EML4: variants seen among roughly 807,000 people sequenced by gnomAD.
The protein encoded by EML4 is echinoderm microtubule-associated protein-like 4.
In EML4, 72 loss-of-function variants were observed where a neutral mutation model predicts 129.0. The observed-to-expected ratio is 0.56, with a 90% CI of 0.46 to 0.68. The LOEUF (loss-of-function observed/expected upper bound fraction) is 0.68, where lower values mean the gene tolerates loss of function less well. EML4 is among the 30% of genes least tolerant of loss of function. The probability of loss-of-function intolerance (pLI) is 0.00; values close to 1 mark genes in which losing one functional copy is unlikely to be tolerated. For missense variants in EML4, 1,363 were observed against 1,190.6 expected (o/e 1.14, Z -2.13); for synonymous variants, 532 against 405.0 (o/e 1.31, Z -3.77).
rs199863922 is a variant in EML4 at position 42,246,456 on chromosome 2, A to G, written c.208+769A>G. On this transcript the variant is annotated intron_variant, in intron 2 of 22. Coordinates refer to ENST00000318522, the MANE Select transcript of EML4 (RefSeq NM_019063.5). ...GGCTTGCCTTCCTACTTCGATGTCA[A>G]TGTAAATTATTAACCTAGGGAGGAG... Among the ~76,000 whole-genome samples, 6 of 152,226 alleles carry G rather than the reference A, an allele frequency of 3.9e-5. No individual in the cohort carries two copies. The East Asian group carries it at 1.2e-3, about 29-fold the overall frequency.
At chr2:42,209,335 T>C (rs1447547311) in intron 1 of EML4, among the ~76,000 whole-genome samples, 1 of 152,222 alleles carries the variant, frequency 6.6e-6, no homozygotes, top group African/African-American at 2.4e-5. Context: ...ATATGTTGTA[T>C]TTCTTTTTAT....
chr2:42,187,838 T>C (rs1671350090), intron 1 of EML4, among the ~76,000 whole-genome samples: 1 of 152,200 alleles, frequency 6.6e-6, no homozygotes, highest in Admixed American at 6.5e-5. Flanking sequence ...TTTGATGAAA[T>C]CCATTTATCA....
intron 1 of EML4, among the ~76,000 whole-genome samples, chr2:42,175,688 G>A (rs1670560076): frequency 6.6e-6 from 1 of 151,898 alleles, no homozygotes; most frequent in Non-Finnish European, 1.5e-5. Flanking sequence ...TAATAGAGAA[G>A]AGGTTTTGCC....
At chr2:42,195,771 A>C (rs187853157) in intron 1 of EML4, among the ~76,000 whole-genome samples, 1 of 152,240 alleles carries the variant, frequency 6.6e-6, no homozygotes, top group African/African-American at 2.4e-5. Context: ...CTTTATTGCA[A>C]CACTACATAT....
At chr2:42,202,697 G>A (rs563908018) in intron 1 of EML4, among the ~76,000 whole-genome samples, 18 of 152,302 alleles carry the variant, frequency 1.2e-4, no homozygotes, top group Admixed American at 3.9e-4. Flanking sequence ...TATTCTGGCT[G>A]TGCTGGCAGC....
At chr2:42,283,442 G>A (rs1667125434) in intron 8 of EML4, among the ~76,000 whole-genome samples, 1 of 151,994 alleles carries the variant, frequency 6.6e-6, no homozygotes, top group Admixed American at 6.6e-5. Context: ...ACAAATGTGA[G>A]AACTCCTTTT....
chr2:42,230,571 T>C (rs1370018242), intron 1 of EML4, among the ~76,000 whole-genome samples: 2 of 152,136 alleles, frequency 1.3e-5, no homozygotes, highest in African/African-American at 4.8e-5. Flanking sequence ...CATCCCCAGC[T>C]AATTTTTTAT....
At chr2:42,284,485 A>G (rs1572687969) in intron 8 of EML4, 149 bp from the exon 9 acceptor site, 2 of 501,974 alleles carry the variant, frequency 4.0e-6, no homozygotes, top group East Asian at 6.5e-5. Context: ...ATCTTCAGAT[A>G]TTTGATGATT....
At chr2:42,306,008 G>C (rs1168913117) in intron 17 of EML4, among the ~76,000 whole-genome samples, 2 of 152,140 alleles carry the variant, frequency 1.3e-5, no homozygotes, top group African/African-American at 4.8e-5. Context: ...TGGAAAAATA[G>C]GTCTTTAAAG....
chr2:42,238,347 A>G (rs1412801733), intron 1 of EML4, among the ~76,000 whole-genome samples: 12 of 152,228 alleles, frequency 7.9e-5, no homozygotes, highest in Non-Finnish European at 1.5e-5. Context: ...TCAATGTACC[A>G]TAATATAGGA....
chr2:42,311,160 A>G (rs966520395), intron 17 of EML4, among the ~76,000 whole-genome samples: 7 of 152,232 alleles, frequency 4.6e-5, no homozygotes, highest in African/African-American at 1.7e-4. Context: ...CAGACACTCT[A>G]GGGTTTCATT....
chr2:42,204,908 A>T (rs1018515699), intron 1 of EML4, among the ~76,000 whole-genome samples: 1 of 152,214 alleles, frequency 6.6e-6, no homozygotes, highest in Non-Finnish European at 1.5e-5. Flanking sequence ...TCAGATATTC[A>T]TGAATGCTAA....
chr2:42,321,361 C>T (rs1013478496), intron 19 of EML4, among the ~76,000 whole-genome samples: 16 of 151,744 alleles, frequency 1.1e-4, no homozygotes, highest in African/African-American at 2.2e-4. Flanking sequence ...CCAGCCTGGG[C>T]GACAGCGAGA....
intron 1 of EML4, among the ~76,000 whole-genome samples, chr2:42,177,506 C>T (rs969934064): frequency 3.5e-4 from 53 of 152,042 alleles, no homozygotes; most frequent in African/African-American, 1.3e-3. Flanking sequence ...GCCTGTGGTC[C>T]CAGATACTCG....
chr2:42,264,715 T>C lies in EML4; in HGVS notation c.651T>C (p.Asp217=). Residue 217 remains aspartate, a synonymous_variant, in exon 6 of 23, where the codon GAT becomes GAC. Transcript: ENST00000318522. ...TAAATTTCTTTTCTAGGCATAAAGA[T>C]GTCATCATCAACCAAGGTAAATTAA... ...KVTKTADKHK[D]VIINQEGEYI... 1 of 1,444,700 alleles carries C rather than the reference T, an allele frequency of 6.9e-7. No homozygotes were observed. The highest frequency in any genetic ancestry group is 9.6e-7 in the Non-Finnish European group (1 of 1,037,370). 89.5% of individuals were successfully genotyped at this position (1,444,700 alleles called of 1,614,324 possible). A position where few individuals can be genotyped will look rare whatever the true frequency, so the allele number is the denominator to read the frequency against.
At chr2:42,194,488 T>C (rs1346633364) in intron 1 of EML4, among the ~76,000 whole-genome samples, 2 of 151,808 alleles carry the variant, frequency 1.3e-5, no homozygotes, top group Non-Finnish European at 2.9e-5. Context: ...TATCTTTTGA[T>C]TGAGTAGGAC....
At position 42,239,502 on chromosome 2, in the gene EML4, A is replaced by G. The variant is rs1330578386; in HGVS notation, c.26-6003A>G. On this transcript the variant is annotated intron_variant, in intron 1 of 22. Coordinates refer to ENST00000318522, the MANE Select transcript of EML4 (RefSeq NM_019063.5). ...CACATGTAGATTTCCTTGTATTTCT[A>G]AAAAGAGACTGACTCATGCCGGTAA... Among the ~76,000 whole-genome samples, 5 of 152,216 alleles carry G rather than the reference A, an allele frequency of 3.3e-5. No individual in the cohort carries two copies. In the East Asian group the frequency reaches 9.6e-4, roughly 29 times the overall value.
At chr2:42,261,027 G>T in intron 3 of EML4, 94 bp from the exon 4 acceptor site, 1 of 930,206 alleles carries the variant, frequency 1.1e-6, no homozygotes, top group South Asian at 1.8e-5. Context: ...GTATGACTTA[G>T]GGTTTTGAAT....
intron 1 of EML4, among the ~76,000 whole-genome samples, chr2:42,207,723 G>T (rs1179739023): frequency 6.6e-6 from 1 of 152,122 alleles, no homozygotes; most frequent in African/African-American, 2.4e-5. Context: ...TCTTCACTCA[G>T]TTCTGATTGG....
Sources: gnomAD v4.1 joint callset for allele counts (sites outside exome capture counted in the v4.1 genomes callset) on GRCh38, gnomAD v4.1.1 for gene constraint, MANE v1.5 for transcripts, NCBI Gene and HGNC (gene_info 2026-07-23, HGNC 2026-07-21) for gene names.